The following SLC45A4 variants were observed in gnomAD, a reference collection of about 807,000 sequenced individuals.
SLC45A4 encodes the protein solute carrier family 45 member 4, also known as polyamine-transporter SLC45A4.
A neutral mutation model predicts 63.7 loss-of-function variants in SLC45A4; 32 were observed. The observed-to-expected ratio is 0.50, with a 90% CI of 0.38 to 0.67. SLC45A4 has a LOEUF of 0.67. SLC45A4 is among the 30% of genes least tolerant of loss of function. The probability of loss-of-function intolerance (pLI) is 0.00; values close to 1 mark genes in which losing one functional copy is unlikely to be tolerated. For synonymous variants in SLC45A4, 535 were observed against 510.0 expected, an observed-to-expected ratio of 1.05 and a Z score of -0.66; for missense variants, 1,027 against 1,157.7, an observed-to-expected ratio of 0.89 and a Z score of 1.64.
At chr8:141,226,678 G>C (rs925173614) in intron 2 of SLC45A4, 1 of 152,404 alleles carries the variant, frequency 6.6e-6, no homozygotes, top group Non-Finnish European at 1.5e-5. Flanking sequence ...GACAGGCCGG[G>C]GGGCCGGGAC....
chr8:141,285,188 A>ACTGCC (rs750509640), intron 1 of SLC45A4, among the ~76,000 whole-genome samples: 2 of 152,120 alleles, frequency 1.3e-5, no homozygotes, highest in Admixed American at 6.5e-5. Context: ...GCACGTGGTC[A>ACTGCC]CTGCCCTGCC....
intron 2 of SLC45A4, among the ~76,000 whole-genome samples, chr8:141,236,760 A>G (rs1414189347): frequency 6.6e-6 from 1 of 152,244 alleles, no homozygotes; most frequent in African/African-American, 2.4e-5. Flanking sequence ...CTTTATTTTG[A>G]TACATGTTTT....
Position 141,212,348 on chromosome 8 carries a change from G to C in SLC45A4, c.2150C>G (p.Pro717Arg). 6.2e-7 allele frequency: 1 copy of C among 1,613,564 alleles called. No homozygotes were observed. Among genetic ancestry groups the C allele is most frequent in the Non-Finnish European group, 8.5e-7 (1 of 1,179,996 alleles). The change falls in exon 8 of 9, where the codon CCC (proline) becomes CGC (arginine). Residue 717 changes from proline (P) to arginine (R), a missense_variant. By Grantham distance (103) the Pro-to-Arg change is moderately radical. Transcript: ENST00000517878. ...CTCCTTGGCCTCCTCTGACACGTTG[G>C]GATAGATCACCAGGAATGTGGCCGT... ...FLTATFLVIY[P>R]NVSEEAKEEQ... is the part of the protein sequence containing the mutation.
intron 2 of SLC45A4, among the ~76,000 whole-genome samples, chr8:141,252,967 G>A (rs1484601028): frequency 2.0e-5 from 3 of 151,044 alleles, no homozygotes; most frequent in African/African-American, 4.9e-5. Context: ...CCACCTGTGC[G>A]TGTCCGCGAA....
chr8:141,279,498 G>C (rs967450305), intron 1 of SLC45A4, among the ~76,000 whole-genome samples: 1 of 152,232 alleles, frequency 6.6e-6, no homozygotes, highest in African/African-American at 2.4e-5. Context: ...GCAAGTCTTT[G>C]ATGAGGGAGG....
rs533832179 is a variant in SLC45A4 at position 141,244,104 on chromosome 8, T to C, written c.241+9885A>G. On this transcript the variant is annotated intron_variant, in intron 2 of 8. Coordinates refer to ENST00000517878, the MANE Select transcript of SLC45A4 (RefSeq NM_001286646.2). ...CTGCCCTCCCAATCAACTCGGCTAC[T>C]TGGGAGACTGCGCCCCTATTCTTCA... is the stretch of plus-strand genomic sequence containing the variant. Among the ~76,000 whole-genome samples the C allele has an allele frequency of 5.3e-5, 8 of 152,110 alleles. No individual in the cohort carries two copies. The South Asian group carries it at 6.2e-4, about 12-fold the overall frequency.
chr8:141,213,996 C>T (rs1411365530), intron 7 of SLC45A4, among the ~76,000 whole-genome samples: 3 of 152,108 alleles, frequency 2.0e-5, no homozygotes, highest in Non-Finnish European at 4.4e-5. Flanking sequence ...CACCTGAGGT[C>T]AGGAGTTTGA....
chr8:141,298,508 A>C (rs970519960), intron 1 of SLC45A4, among the ~76,000 whole-genome samples: 7 of 152,210 alleles, frequency 4.6e-5, no homozygotes, highest in Non-Finnish European at 1.0e-4. Context: ...GAGCCTAGTG[A>C]CAGTGCCCAA....
rs370450389 is a variant in SLC45A4 at position 141,218,982 on chromosome 8, G to C, written c.658C>G (p.Gln220Glu). Residue 220 changes from glutamine (Q) to glutamate (E), a missense_variant, in exon 5 of 9, where the codon CAG becomes GAG. Coordinates refer to ENST00000517878, the MANE Select transcript of SLC45A4 (RefSeq NM_001286646.2). The part of the protein sequence containing the change: ...GYVLGGLDWT[Q>E]TFLGSWFRTQ... ...CGGAACCAGCTGCCCAGGAAGGTCT[G>C]GGTCCAGTCCAGCCCACCCAGCACG... is the stretch of plus-strand genomic sequence containing the variant. 33 of 1,613,306 alleles carry C rather than the reference G, an allele frequency of 2.0e-5. No individual in the cohort carries two copies. Among genetic ancestry groups the C allele is most frequent in the African/African-American group, 2.7e-5 (2 of 74,930 alleles).
chr8:141,265,556 C>T (rs1829232910), intron 1 of SLC45A4, among the ~76,000 whole-genome samples: 1 of 152,168 alleles, frequency 6.6e-6, no homozygotes, highest in Admixed American at 6.5e-5. Context: ...AGCACGAGAG[C>T]ATTATCTGAA....
chr8:141,236,117 A>C (rs1279943243), intron 2 of SLC45A4, among the ~76,000 whole-genome samples: 1 of 152,088 alleles, frequency 6.6e-6, no homozygotes, highest in Admixed American at 6.5e-5. Flanking sequence ...AACAAAAACA[A>C]AAACAAACAT....
chr8:141,227,981 T>C lies in SLC45A4; in HGVS notation c.242-6216A>G, dbSNP rs1827119009. 6.6e-6 allele frequency among the ~76,000 whole-genome samples: 1 copy of C among 152,022 alleles called. No individual in the cohort carries two copies. The highest frequency in any genetic ancestry group is 2.1e-4 in the South Asian group (1 of 4,814). On this transcript the variant is annotated intron_variant, in intron 2 of 8. Coordinates refer to ENST00000517878, the MANE Select transcript of SLC45A4 (RefSeq NM_001286646.2). This position sits in a 1 kb window ranked among gnomAD's most constrained non-coding sequence, Gnocchi z 4.4. Reference sequence around the variant, plus strand: ...GCCGGGGACAATAAGTTCCCGGGCTTTGGCCTTTTGTAGGAGAGGAGGAAT... The same window carrying C: ...GCCGGGGACAATAAGTTCCCGGGCTCTGGCCTTTTGTAGGAGAGGAGGAAT...
At chr8:141,228,459 AC>A in intron 2 of SLC45A4, 27 of 1,365,576 alleles carry the variant, frequency 2.0e-5, no homozygotes, top group Non-Finnish European at 2.5e-5. Context: ...CTCAGGGCCG[AC>A]CCTGTGTCCA....
intron 1 of SLC45A4, among the ~76,000 whole-genome samples, chr8:141,282,884 G>A (rs544309236): frequency 3.3e-5 from 5 of 152,248 alleles, no homozygotes; most frequent in African/African-American, 1.2e-4. Context: ...TGGCTGGCAC[G>A]TGAGTCAGAG....
chr8:141,284,429 G>A (rs1266091769), intron 1 of SLC45A4, among the ~76,000 whole-genome samples: 8 of 152,378 alleles, frequency 5.3e-5, no homozygotes, highest in East Asian at 1.9e-4. Flanking sequence ...ACGGCCATCC[G>A]GGGAAGGAAA....
At chr8:141,258,443 G>A (rs1315602900) in intron 1 of SLC45A4, among the ~76,000 whole-genome samples, 8 of 152,354 alleles carry the variant, frequency 5.3e-5, no homozygotes, top group African/African-American at 1.7e-4. Context: ...GGTTGCATAA[G>A]AATCACTGAT....
rs781411603 is a variant in SLC45A4 at position 141,218,089 on chromosome 8, G to A, written c.1551C>T (p.Leu517=). ...CCTCGGCGATGACAGAGAACCAGGT[G>A]AGGAGGTGGCAGAGGCACAGCCGCA... ...ELMRLCLCHL[L]TWFSVIAEAV... The change falls in exon 5 of 9, where the codon CTC becomes CTT. Residue 517 remains leucine (L), a synonymous_variant. Coordinates refer to ENST00000517878, the MANE Select transcript of SLC45A4 (RefSeq NM_001286646.2). 2 of 1,612,884 alleles carry A rather than the reference G, an allele frequency of 1.2e-6. No individual in the cohort carries two copies. The highest frequency in any genetic ancestry group is 8.5e-7 in the Non-Finnish European group (1 of 1,179,988).
At position 141,218,946 on chromosome 8, in the gene SLC45A4, G is replaced by C. The variant is rs772420961; in HGVS notation, c.694C>G (p.Gln232Glu). 4 of 1,613,694 alleles carry C rather than the reference G, an allele frequency of 2.5e-6. No individual in the cohort carries two copies. Among genetic ancestry groups the C allele is most frequent in the Non-Finnish European group, 1.7e-6 (2 of 1,179,936 alleles). The change falls in exon 5 of 9, where the codon CAG (glutamine) becomes GAG (glutamate). Residue 232 changes from glutamine (Q) to glutamate (E), a missense_variant. Transcript: ENST00000517878. ...ATGGCGGCAAAGAAGAAGAGCACCT[G>C]GTTCTGGGTCCGGAACCAGCTGCCC... Reference protein sequence around the residue: ...FLGSWFRTQNQVLFFFAAIIF... With the variant: ...FLGSWFRTQNEVLFFFAAIIF...
rs766949556 is a variant in SLC45A4, at chr8:141,218,323, G to A, written c.1317C>T (p.Arg439=). 1 of 1,607,568 alleles carries A rather than the reference G, an allele frequency of 6.2e-7. No homozygotes were observed. The change falls in exon 5 of 9, where the codon CGC becomes CGT. Residue 439 remains arginine, a synonymous_variant. Transcript: ENST00000517878. ...GCACCACGGCGTTGGCGCGCCGGTAGCGGTAGCAGTGGGACCCAAGCTTGC... is the reference window on the plus strand; with the variant it reads ...GCACCACGGCGTTGGCGCGCCGGTAACGGTAGCAGTGGGACCCAAGCTTGC... ...YYGKLGSHCY[R]YRRANAVVLI...
Sources: allele counts gnomAD v4.1 joint callset (sites outside exome capture counted in the v4.1 genomes callset), GRCh38; gene constraint gnomAD v4.1.1; non-coding constraint Gnocchi (gnomAD v3.1); transcripts MANE v1.5; gene names NCBI Gene and HGNC (gene_info 2026-07-23, HGNC 2026-07-21).